The following BCL2L14 variants were observed in gnomAD, a reference collection of about 807,000 sequenced individuals.
The protein encoded by BCL2L14 is apoptosis facilitator Bcl-2-like protein 14.
A neutral mutation model predicts 35.3 loss-of-function variants in BCL2L14; 27 were observed. The observed-to-expected ratio is 0.76, with a 90% CI of 0.56 to 1.05. The LOEUF (loss-of-function observed/expected upper bound fraction) is 1.05, where lower values mean the gene tolerates loss of function less well. Ranked by LOEUF, BCL2L14 falls within the 50% of genes least tolerant of loss-of-function variation. The pLI is 0.00. For missense variants in BCL2L14, 377 were observed against 382.6 expected, an observed-to-expected ratio of 0.99 and a Z score of 0.12; for synonymous variants, 139 against 145.9, an observed-to-expected ratio of 0.95 and a Z score of 0.34.
At chr12:12,098,583 A>G (rs1222054465) in intron 5 of BCL2L14, among the ~76,000 whole-genome samples, 1 of 152,192 alleles carries the variant, frequency 6.6e-6, no homozygotes. Context: ...CACCATTCAC[A>G]TAGTTACCCT....
chr12:12,078,450 G>GA (rs542856706), intron 1 of BCL2L14, among the ~76,000 whole-genome samples: 1 of 152,194 alleles, frequency 6.6e-6, no homozygotes, highest in Non-Finnish European at 1.5e-5. Flanking sequence ...ATCAACGTGA[G>GA]AAAATGCGAA....
At chr12:12,066,580 C>G (rs1008421503), upstream of BCL2L14, among the ~76,000 whole-genome samples, 1 of 152,148 alleles carries the variant, frequency 6.6e-6, no homozygotes, top group African/African-American at 2.4e-5. Flanking sequence ...CAAAAATATT[C>G]ATACCCAATA....
intron 3 of BCL2L14, among the ~76,000 whole-genome samples, chr12:12,089,752 C>T (rs1185315006): frequency 6.6e-6 from 1 of 152,214 alleles, no homozygotes; most frequent in African/African-American, 2.4e-5. Flanking sequence ...GGCCACGTTC[C>T]TATCCATCTG....
At chr12:12,092,227 G>C (rs544043811) in intron 4 of BCL2L14, among the ~76,000 whole-genome samples, 2 of 152,206 alleles carry the variant, frequency 1.3e-5, no homozygotes, top group African/African-American at 4.8e-5. Context: ...GAAGGCCACC[G>C]ATCTCAGGTT....
chr12:12,093,724 C>T (rs1032429872), intron 4 of BCL2L14, among the ~76,000 whole-genome samples: 6 of 145,272 alleles, frequency 4.1e-5, no homozygotes, highest in Non-Finnish European at 7.5e-5. Flanking sequence ...ACCTGGGAGG[C>T]GGAGGTTGCA....
chr12:12,063,391 T>C (rs1395530757), intron 2 of BCL2L14, among the ~76,000 whole-genome samples: 1 of 150,518 alleles, frequency 6.6e-6, no homozygotes, highest in Non-Finnish European at 1.5e-5. Context: ...TTTCTCCTTT[T>C]CTTATTCCGT....
intron 2 of BCL2L14, among the ~76,000 whole-genome samples, chr12:12,052,365 T>A (rs1419130828): frequency 6.6e-6 from 1 of 152,208 alleles, no homozygotes; most frequent in East Asian, 1.9e-4. Context: ...CTGTGTAGCC[T>A]TTTCCCAACC....
upstream of BCL2L14, among the ~76,000 whole-genome samples, chr12:12,067,200 T>G (rs1272540735): frequency 1.3e-5 from 2 of 152,058 alleles, no homozygotes; most frequent in African/African-American, 2.4e-5. Flanking sequence ...TTTAGTGCTA[T>G]CATTCACTGG....
intron 1 of BCL2L14, among the ~76,000 whole-genome samples, chr12:12,074,778 T>G (rs1346302469): frequency 6.6e-6 from 1 of 152,118 alleles, no homozygotes; most frequent in Non-Finnish European, 1.5e-5. Context: ...CCACATTTAA[T>G]GAGATTATCT....
intron 2 of BCL2L14, among the ~76,000 whole-genome samples, chr12:12,061,264 C>T (rs1948521652): frequency 6.6e-6 from 1 of 151,760 alleles, no homozygotes. Context: ...CTTGTATCTC[C>T]CCACCTTAAC....
chr12:12,090,674 T>A, intron 3 of BCL2L14, 105 bp from the exon 4 acceptor site: 4 of 719,986 alleles, frequency 5.6e-6, no homozygotes, highest in Non-Finnish European at 9.0e-6. Context: ...TTAGCATGCC[T>A]CTTCCTCCAG....
intron 1 of BCL2L14, among the ~76,000 whole-genome samples, chr12:12,077,184 T>C (rs1276258626): frequency 6.6e-6 from 1 of 152,138 alleles, no homozygotes; most frequent in African/African-American, 2.4e-5. Flanking sequence ...GCAGCTTACA[T>C]GCCGAAAGAC....
intron 2 of BCL2L14, among the ~76,000 whole-genome samples, chr12:12,053,310 T>C (rs1948384985): frequency 6.6e-6 from 1 of 152,220 alleles, no homozygotes; most frequent in Non-Finnish European, 1.5e-5. Flanking sequence ...AGGCAAGTAG[T>C]CTCACTCCCT....
chr12:12,054,503 CG>C (rs568653059), intron 2 of BCL2L14: 73,146 of 129,412 alleles, frequency 0.57, 18,677 homozygotes, highest in East Asian at 0.81. Context: ...GACTCCATCT[CG>C]AAAAAAAAAA....
At chr12:12,055,160 TA>T (rs1238052047) in intron 2 of BCL2L14, 1 of 152,114 alleles carries the variant, frequency 6.6e-6, no homozygotes, top group East Asian at 1.9e-4. Flanking sequence ...GATGGAAAAG[TA>T]AACAATCCAG....
At chr12:12,059,517 A>G (rs1476371822) in intron 2 of BCL2L14, among the ~76,000 whole-genome samples, 1 of 150,198 alleles carries the variant, frequency 6.7e-6, no homozygotes, top group Non-Finnish European at 1.5e-5. Flanking sequence ...CCATGCCCCA[A>G]CCTCTTATAT....
At chr12:12,059,575 G>A (rs1447578686) in intron 2 of BCL2L14, among the ~76,000 whole-genome samples, 1 of 150,218 alleles carries the variant, frequency 6.7e-6, no homozygotes, top group Non-Finnish European at 1.5e-5. Flanking sequence ...CTATCTCTGT[G>A]CCTGACCCCT....
chr12:12,076,511 T>G (rs965025780), intron 1 of BCL2L14, among the ~76,000 whole-genome samples: 3 of 152,184 alleles, frequency 2.0e-5, no homozygotes, highest in African/African-American at 7.2e-5. Flanking sequence ...TCCAGTTATG[T>G]GAGGGAGGTT....
At chr12:12,061,182 A>G (rs1233807456) in intron 2 of BCL2L14, among the ~76,000 whole-genome samples, 3 of 149,100 alleles carry the variant, frequency 2.0e-5, no homozygotes, top group African/African-American at 5.0e-5. Context: ...TGCTTCCCTG[A>G]CTATTCCTGG....
Sources: allele counts gnomAD v4.1 joint callset (sites outside exome capture counted in the v4.1 genomes callset), GRCh38; gene constraint gnomAD v4.1.1; transcripts MANE v1.5; gene names NCBI Gene and HGNC (gene_info 2026-07-23, HGNC 2026-07-21).